Variants in NCKAP5 observed in about 807,000 individuals in gnomAD.
NCKAP5 encodes the protein nck-associated protein 5.
A neutral mutation model predicts 167.0 loss-of-function variants in NCKAP5; 92 were observed. The ratio of observed to expected loss-of-function variants is 0.55; its 90% confidence interval spans 0.47 to 0.66. The LOEUF (loss-of-function observed/expected upper bound fraction) is 0.66, where lower values mean the gene tolerates loss of function less well. Ranked by LOEUF, NCKAP5 falls within the 30% of genes least tolerant of loss-of-function variation. NCKAP5 has a pLI of 0.00. For synonymous variants in NCKAP5, 891 were observed against 877.4 expected (o/e 1.02, Z -0.27); for missense variants, 2,378 against 2,315.0 (o/e 1.03, Z -0.56).
chr2:132,856,089 G>A (rs552700459), intron 11 of NCKAP5, among the ~76,000 whole-genome samples: 2 of 152,160 alleles, frequency 1.3e-5, no homozygotes, highest in African/African-American at 2.4e-5. Context: ...GCGTGAACCC[G>A]GGAGGCAAAG....
chr2:133,617,266 C>T, the NCKAP5 span, among the ~76,000 whole-genome samples: 72 of 152,308 alleles, frequency 4.7e-4, no homozygotes, highest in African/African-American at 1.6e-3. Context: ...CCTCTCTCTC[C>T]ACTCCTATTC....
chr2:132,766,689 A>G (rs557389534), intron 16 of NCKAP5, among the ~76,000 whole-genome samples: 19 of 152,328 alleles, frequency 1.2e-4, no homozygotes, highest in African/African-American at 4.6e-4. Context: ...GAAGTGAAGC[A>G]CTTGATTCAA....
At chr2:132,774,080 C>T (rs1472779228) in intron 15 of NCKAP5, among the ~76,000 whole-genome samples, 186 bp from the exon 16 acceptor site, 1 of 152,154 alleles carries the variant, frequency 6.6e-6, no homozygotes, top group Non-Finnish European at 1.5e-5. Flanking sequence ...TACTTTTCCG[C>T]ACTCCATCAT....
At chr2:133,605,953 A>T in the NCKAP5 span, among the ~76,000 whole-genome samples, 1 of 152,228 alleles carries the variant, frequency 6.6e-6, no homozygotes, top group Admixed American at 6.5e-5. Flanking sequence ...ATGCCAAAGC[A>T]TATACTCACT....
At chr2:132,926,497 A>C (rs1695903339) in intron 8 of NCKAP5, among the ~76,000 whole-genome samples, 1 of 152,172 alleles carries the variant, frequency 6.6e-6, no homozygotes, top group Non-Finnish European at 1.5e-5. Flanking sequence ...AAATAGTATA[A>C]AAATGCTCTC....
At chr2:133,436,275 C>T (rs1268481684) in intron 3 of NCKAP5, among the ~76,000 whole-genome samples, 1 of 152,168 alleles carries the variant, frequency 6.6e-6, no homozygotes, top group Non-Finnish European at 1.5e-5. Flanking sequence ...AACCTGGATC[C>T]ACCTCCAGAG....
At chr2:133,026,619 T>G (rs2078707015) in intron 6 of NCKAP5, among the ~76,000 whole-genome samples, 1 of 152,166 alleles carries the variant, frequency 6.6e-6, no homozygotes, top group Admixed American at 6.5e-5. Flanking sequence ...TTATTAGATT[T>G]CCCTTCTAGG....
At chr2:132,773,716 T>G in intron 16 of NCKAP5, 100 bp downstream of exon 16, 1 of 946,838 alleles carries the variant, frequency 1.1e-6, no homozygotes, top group East Asian at 2.5e-5. Flanking sequence ...ACACTCAGTC[T>G]TGATAGAGGG....
chr2:133,172,286 GAACAA>G (rs987608666), intron 5 of NCKAP5, among the ~76,000 whole-genome samples: 1 of 152,156 alleles, frequency 6.6e-6, no homozygotes, highest in African/African-American at 2.4e-5. Flanking sequence ...TAAACACGGA[GAACAA>G]AACAAATAAC....
intron 4 of NCKAP5, among the ~76,000 whole-genome samples, chr2:133,219,642 G>C (rs2086575348): frequency 6.6e-6 from 1 of 151,126 alleles, no homozygotes; most frequent in African/African-American, 2.4e-5. Context: ...GGATTCCTCA[G>C]TAACTTGTAT....
At chr2:133,602,338 A>G in the NCKAP5 span, among the ~76,000 whole-genome samples, 8 of 152,248 alleles carry the variant, frequency 5.3e-5, no homozygotes, top group African/African-American at 1.9e-4. Context: ...CCTGTTCTGG[A>G]ATGTGAGCAG....
intron 11 of NCKAP5, among the ~76,000 whole-genome samples, chr2:132,804,696 T>C (rs570176850): frequency 6.6e-6 from 1 of 152,290 alleles, no homozygotes; most frequent in Non-Finnish European, 1.5e-5. Flanking sequence ...AGAGACACTC[T>C]GTGAAGTCCT....
At chr2:132,871,569 C>T (rs72992831) in intron 9 of NCKAP5, among the ~76,000 whole-genome samples, 1,653 of 152,194 alleles carry the variant, frequency 0.011, 15 homozygotes, top group African/African-American at 0.03. Flanking sequence ...TCAGGAGACA[C>T]GGACTAATAT....
At chr2:133,379,944 A>G (rs969915804) in intron 3 of NCKAP5, among the ~76,000 whole-genome samples, 2 of 152,214 alleles carry the variant, frequency 1.3e-5, no homozygotes, top group African/African-American at 4.8e-5. Flanking sequence ...ATGTATGTAC[A>G]TAATTGGAAA....
intron 3 of NCKAP5, among the ~76,000 whole-genome samples, chr2:133,492,344 T>C (rs1341088150): frequency 1.3e-5 from 2 of 152,164 alleles, no homozygotes; most frequent in Non-Finnish European, 2.9e-5. Context: ...AGTATAGTTG[T>C]AAAGAAGATG....
chr2:132,913,682 C>A (rs1376702973), intron 8 of NCKAP5, among the ~76,000 whole-genome samples: 2 of 152,068 alleles, frequency 1.3e-5, no homozygotes, highest in Non-Finnish European at 2.9e-5. Flanking sequence ...TGCTTCCCAC[C>A]AAAATGCCTC....
chr2:132,883,058 C>T (rs959012339), intron 8 of NCKAP5, among the ~76,000 whole-genome samples: 3 of 151,926 alleles, frequency 2.0e-5, no homozygotes, highest in African/African-American at 7.3e-5. Flanking sequence ...AAAAATTAGC[C>T]AGGTGTGGTG....
chr2:133,322,930 G>A (rs1559383378), intron 3 of NCKAP5, among the ~76,000 whole-genome samples: 2 of 152,180 alleles, frequency 1.3e-5, no homozygotes, highest in African/African-American at 2.4e-5. Context: ...ATCAGGTGAG[G>A]TGGATGTTGA....
At chr2:132,897,604 A>G (rs1433427793) in intron 8 of NCKAP5, among the ~76,000 whole-genome samples, 1 of 152,156 alleles carries the variant, frequency 6.6e-6, no homozygotes, top group Non-Finnish European at 1.5e-5. Context: ...CCCACTATCT[A>G]CAGACATACC....
Sources: allele counts gnomAD v4.1 joint callset (sites outside exome capture counted in the v4.1 genomes callset), GRCh38; gene constraint gnomAD v4.1.1; transcripts MANE v1.5; gene names NCBI Gene and HGNC (gene_info 2026-07-23, HGNC 2026-07-21).